The following SYT16 variants were observed in gnomAD, a reference collection of about 807,000 sequenced individuals.
SYT16 encodes synaptotagmin-16.
Under a neutral mutation model 61.4 loss-of-function variants are expected in SYT16, and 42 were observed. That is an observed-to-expected ratio of 0.68 (90% CI 0.53 to 0.89). The LOEUF is 0.89. Among genes scored for constraint, SYT16 ranks in the 40% least tolerant of loss-of-function variants. The pLI is 0.00. For missense variants in SYT16, 804 were observed against 807.3 expected (o/e 1.00, Z 0.05); for synonymous variants, 314 against 302.3 (o/e 1.04, Z -0.40).
intron 1 of SYT16, among the ~76,000 whole-genome samples, chr14:61,894,253 C>A (rs2048245000): frequency 2.0e-5 from 3 of 151,426 alleles, no homozygotes. Context: ...CCATTGCACT[C>A]CGGCCTGGGC....
chr14:61,839,750 A>G (rs888714484), intron 1 of SYT16, among the ~76,000 whole-genome samples: 1 of 152,226 alleles, frequency 6.6e-6, no homozygotes, highest in South Asian at 2.1e-4. Context: ...TAGGCCAGCA[A>G]ATCACAGTCC....
At chr14:61,823,566 T>G (rs1303246414) in intron 1 of SYT16, among the ~76,000 whole-genome samples, 2 of 28,348 alleles carry the variant, frequency 7.1e-5, no homozygotes, top group Admixed American at 4.4e-4. Context: ...CCATCTCTAC[T>G]AAAAATACAA....
intron 3 of SYT16, among the ~76,000 whole-genome samples, chr14:62,056,101 G>C (rs554271050): frequency 6.6e-6 from 1 of 150,716 alleles, no homozygotes; most frequent in East Asian, 1.9e-4. Flanking sequence ...TATAATAAAC[G>C]TATTTTCCAA....
chr14:62,014,918 TA>T (rs2053608397), intron 3 of SYT16, among the ~76,000 whole-genome samples: 1 of 152,238 alleles, frequency 6.6e-6, no homozygotes, highest in Admixed American at 6.5e-5. Flanking sequence ...CATCCTGAAA[TA>T]CTAAGTACAC....
intron 3 of SYT16, among the ~76,000 whole-genome samples, chr14:62,042,349 G>A (rs911275309): frequency 2.6e-5 from 4 of 152,018 alleles, no homozygotes; most frequent in Non-Finnish European, 4.4e-5. Context: ...TTACCTTTGC[G>A]TGCAAGATAT....
intron 1 of SYT16, among the ~76,000 whole-genome samples, chr14:61,820,471 T>TG (rs2045580250): frequency 1.9e-5 from 2 of 106,740 alleles, no homozygotes; most frequent in African/African-American, 3.6e-5. Flanking sequence ...TCTTCAGAGT[T>TG]TTTTTTTTTT....
intron 1 of SYT16, among the ~76,000 whole-genome samples, chr14:61,959,520 T>C (rs2051028636): frequency 6.6e-6 from 1 of 152,188 alleles, no homozygotes; most frequent in African/African-American, 2.4e-5. Context: ...TTCTGCACTT[T>C]ATGTCTTCCC....
intron 7 of SYT16, among the ~76,000 whole-genome samples, chr14:62,095,237 A>C (rs1364342368): frequency 6.6e-6 from 1 of 152,012 alleles, no homozygotes; most frequent in Non-Finnish European, 1.5e-5. Context: ...TCAAGAGCAA[A>C]ATAAGGATTC....
intron 1 of SYT16, among the ~76,000 whole-genome samples, chr14:61,954,921 A>G (rs370148534): frequency 2.0e-5 from 3 of 152,302 alleles, no homozygotes; most frequent in East Asian, 3.9e-4. Flanking sequence ...CTCAAACAAA[A>G]TCTAAGGAAA....
intron 1 of SYT16, among the ~76,000 whole-genome samples, chr14:61,862,147 CA>C (rs1402363325): frequency 6.6e-6 from 1 of 152,116 alleles, no homozygotes; most frequent in African/African-American, 2.4e-5. Context: ...AAAAATTCAC[CA>C]GTTTTAAGTG....
At chr14:62,052,237 A>G (rs1350612519) in intron 3 of SYT16, among the ~76,000 whole-genome samples, 1 of 152,168 alleles carries the variant, frequency 6.6e-6, no homozygotes, top group East Asian at 1.9e-4. Context: ...GTACCACTTT[A>G]ACTATACCCC....
intron 7 of SYT16, among the ~76,000 whole-genome samples, chr14:62,094,201 A>T (rs1362573983): frequency 6.6e-6 from 1 of 152,160 alleles, no homozygotes; most frequent in African/African-American, 2.4e-5. Context: ...ACCTGAATTA[A>T]ATGTCACATT....
At chr14:62,077,926 T>A (rs751370845) in intron 5 of SYT16, among the ~76,000 whole-genome samples, 2 of 152,180 alleles carry the variant, frequency 1.3e-5, no homozygotes, top group Non-Finnish European at 2.9e-5. Flanking sequence ...AGAGACAGCC[T>A]GATACATAAG....
chr14:61,961,321 A>T (rs1484970914), intron 1 of SYT16, among the ~76,000 whole-genome samples: 1 of 152,220 alleles, frequency 6.6e-6, no homozygotes, highest in South Asian at 2.1e-4. Flanking sequence ...CTATCAACAG[A>T]GTAAACTAAC....
intron 1 of SYT16, among the ~76,000 whole-genome samples, chr14:61,863,077 A>AAGG (rs1167525933): frequency 1.3e-5 from 2 of 152,238 alleles, no homozygotes; most frequent in Admixed American, 6.5e-5. Flanking sequence ...AAGCTGCTAT[A>AAGG]AACATTCATG....
chr14:61,997,453 T>G (rs1443688817), intron 3 of SYT16, among the ~76,000 whole-genome samples: 3 of 152,096 alleles, frequency 2.0e-5, no homozygotes, highest in Admixed American at 2.0e-4. Context: ...CTTCATTCAT[T>G]TTCCATGATT....
At chr14:62,000,099 A>ATTTTTTTTTTTTTTT in intron 3 of SYT16, among the ~76,000 whole-genome samples, 3 of 18,958 alleles carry the variant, frequency 1.6e-4, no homozygotes, top group African/African-American at 2.8e-4. Context: ...TTGTCTCTCG[A>ATTTTTTTTTTTTTTT]TTTTTTTTTT....
chr14:62,024,882 T>C (rs1349570675), intron 3 of SYT16, among the ~76,000 whole-genome samples: 1 of 152,080 alleles, frequency 6.6e-6, no homozygotes, highest in Non-Finnish European at 1.5e-5. Flanking sequence ...GTTGGACTTA[T>C]ATAGTATATA....
chr14:61,954,139 G>A (rs1364930502), intron 1 of SYT16, among the ~76,000 whole-genome samples: 1 of 152,090 alleles, frequency 6.6e-6, no homozygotes, highest in Non-Finnish European at 1.5e-5. Flanking sequence ...CACAGTGATG[G>A]CAGAAAGTTT....
Sources: allele counts gnomAD v4.1 joint callset (sites outside exome capture counted in the v4.1 genomes callset), GRCh38; gene constraint gnomAD v4.1.1; transcripts MANE v1.5; gene names NCBI Gene and HGNC (gene_info 2026-07-23, HGNC 2026-07-21).